Variants in SLC25A40 observed in about 807,000 individuals in gnomAD.
The protein encoded by SLC25A40 is mitochondrial glutathione transporter SLC25A40.
SLC25A40 carries 41 observed loss-of-function variants against 46.5 expected under a neutral mutation model. That is an observed-to-expected ratio of 0.88 (90% CI 0.69 to 1.14). The LOEUF is 1.14. Ranked by LOEUF, SLC25A40 falls within the 50% of genes most tolerant of loss-of-function variation. SLC25A40 has a pLI of 0.00. For missense variants in SLC25A40, 386 were observed against 393.6 expected, an observed-to-expected ratio of 0.98 and a Z score of 0.16; for synonymous variants, 126 against 127.5, an observed-to-expected ratio of 0.99 and a Z score of 0.08.
At chr7:87,841,813 AAAC>A (rs1838340533) in intron 9 of SLC25A40, 99 bp from the exon 10 acceptor site, 1 of 586,966 alleles carries the variant, frequency 1.7e-6, no homozygotes, top group Non-Finnish European at 2.7e-6. Flanking sequence ...AGGATAATGA[AAAC>A]AATAACCGAA....
intron 3 of SLC25A40, among the ~76,000 whole-genome samples, chr7:87,858,322 T>A (rs1194855853): frequency 1.3e-5 from 2 of 152,206 alleles, no homozygotes; most frequent in African/African-American, 2.4e-5. Context: ...ATTTTTGTTC[T>A]CCTTTTTACC....
intron 1 of SLC25A40, 94 bp downstream of exon 1, chr7:87,876,002 C>T (rs1301638890): frequency 2.6e-5 from 4 of 152,276 alleles, no homozygotes; most frequent in Non-Finnish European, 5.9e-5. Flanking sequence ...GGTTCCGGCC[C>T]CGGCCCCGGG....
intron 8 of SLC25A40, among the ~76,000 whole-genome samples, chr7:87,846,688 G>T (rs1048567477): frequency 6.6e-6 from 1 of 151,954 alleles, no homozygotes; most frequent in Non-Finnish European, 1.5e-5. Context: ...AAGGTAGTTT[G>T]CATTCTCTGA....
chr7:87,850,102 G>T (rs1390189976), intron 5 of SLC25A40, among the ~76,000 whole-genome samples, 154 bp from the exon 6 acceptor site: 1 of 151,902 alleles, frequency 6.6e-6, no homozygotes, highest in Non-Finnish European at 1.5e-5. Flanking sequence ...TTTTAAAAAG[G>T]GAATTTTAAC....
At chr7:87,844,581 T>A (rs894827137) in intron 8 of SLC25A40, among the ~76,000 whole-genome samples, 2 of 152,212 alleles carry the variant, frequency 1.3e-5, no homozygotes, top group African/African-American at 4.8e-5. Context: ...AGAAAAGTTA[T>A]GATTACAAAT....
chr7:87,840,341 AG>A (rs1169312668), intron 10 of SLC25A40, among the ~76,000 whole-genome samples: 1 of 151,702 alleles, frequency 6.6e-6, no homozygotes, highest in African/African-American at 2.4e-5. Flanking sequence ...GAGTTTACTG[AG>A]GGTGATGTCC....
chr7:87,856,292 C>G lies in SLC25A40; in HGVS notation c.157G>C (p.Gly53Arg). ...TTTTTAGGGCAATTAGTACACATAC[C>G]TTTGGGGAGTGGGTTGTTTTGGGCT... ...LQAQNNPLPK[G>R]KCFVYSNGLM... is the part of the protein sequence containing the mutation. The change falls in exon 4 of 12, where the codon GGA becomes CGA. Residue 53 changes from glycine to arginine, a missense_variant and splice_region_variant. By Grantham distance (125) the Gly-to-Arg change is moderately radical. Transcript: ENST00000341119. 3.1e-6 allele frequency: 5 copies of G among 1,610,448 alleles called. No individual in the cohort carries two copies. Among genetic ancestry groups the G allele is most frequent in the Non-Finnish European group, 4.2e-6 (5 of 1,177,558 alleles).
chr7:87,868,801 T>G (rs868261452), intron 1 of SLC25A40, among the ~76,000 whole-genome samples: 1 of 152,178 alleles, frequency 6.6e-6, no homozygotes, highest in Non-Finnish European at 1.5e-5. Context: ...GGCTTCATGA[T>G]GTAGGCCTAC....
intron 11 of SLC25A40, 132 bp downstream of exon 11, chr7:87,836,596 CTT>C: frequency 3.6e-6 from 2 of 553,932 alleles, no homozygotes; most frequent in Non-Finnish European, 3.0e-6. Context: ...TTTATTTTAA[CTT>C]ATAATAAAGA....
intron 1 of SLC25A40, among the ~76,000 whole-genome samples, chr7:87,873,107 T>A (rs942881501): frequency 6.6e-6 from 1 of 152,140 alleles, no homozygotes; most frequent in East Asian, 1.9e-4. Flanking sequence ...GACATATCAA[T>A]AGTTGGCAAA....
intron 6 of SLC25A40, 61 bp from the exon 7 acceptor site, chr7:87,848,038 T>C: frequency 6.5e-7 from 1 of 1,532,088 alleles, no homozygotes. Flanking sequence ...TAGTCTTAAC[T>C]TAAATTCAAA....
At position 87,836,775 on chromosome 7, in the gene SLC25A40, T is replaced by C. The variant is rs1325834169; in HGVS notation, c.859A>G (p.Met287Val). ...CCATTTTTAGCAACAATGTTCTTCA[T>C]TATAATCCAGGTTGACATATGCAAA... Reference protein sequence around the residue: ...MPLHMSTWIIMKNIVAKNGFS... With the variant: ...MPLHMSTWIIVKNIVAKNGFS... The change falls in exon 11 of 12, where the codon ATG becomes GTG. Residue 287 changes from methionine (M) to valine (V), a missense_variant. Transcript: ENST00000341119. The C allele has an allele frequency of 6.5e-7, 1 of 1,538,264 alleles. No homozygotes were observed. Among genetic ancestry groups the C allele is most frequent in the Non-Finnish European group, 8.7e-7 (1 of 1,148,600 alleles).
At chr7:87,870,854 C>T (rs1042213651) in intron 1 of SLC25A40, among the ~76,000 whole-genome samples, 3 of 152,140 alleles carry the variant, frequency 2.0e-5, no homozygotes, top group Non-Finnish European at 4.4e-5. Context: ...TGAAGTTGTT[C>T]GTGTGACCTC....
intron 5 of SLC25A40, among the ~76,000 whole-genome samples, chr7:87,853,640 G>C (rs953316709): frequency 1.2e-4 from 19 of 152,132 alleles, no homozygotes; most frequent in African/African-American, 4.6e-4. Flanking sequence ...CAACCTGGAT[G>C]AATCACCAGG....
At chr7:87,844,233 C>G (rs1838379099) in intron 8 of SLC25A40, among the ~76,000 whole-genome samples, 1 of 152,034 alleles carries the variant, frequency 6.6e-6, no homozygotes, top group African/African-American at 2.4e-5. Context: ...ACATCATGTA[C>G]TATGATTAAG....
At chr7:87,860,888 G>T (rs1838686926) in intron 1 of SLC25A40, among the ~76,000 whole-genome samples, 1 of 152,068 alleles carries the variant, frequency 6.6e-6, no homozygotes, top group Non-Finnish European at 1.5e-5. Flanking sequence ...ATAAGCAAAC[G>T]ACTCTAGAGC....
At chr7:87,870,440 T>C (rs1838879569) in intron 1 of SLC25A40, among the ~76,000 whole-genome samples, 1 of 152,130 alleles carries the variant, frequency 6.6e-6, no homozygotes, top group South Asian at 2.1e-4. Flanking sequence ...TATCTGATGA[T>C]GATAGGGACA....
intron 4 of SLC25A40, among the ~76,000 whole-genome samples, chr7:87,855,783 A>G (rs1838604755): frequency 6.6e-6 from 1 of 152,206 alleles, no homozygotes; most frequent in South Asian, 2.1e-4. Context: ...TTGCAATGCC[A>G]TTATCTTTAT....
intron 1 of SLC25A40, among the ~76,000 whole-genome samples, chr7:87,867,790 C>T (rs1005699935): frequency 1.3e-5 from 2 of 152,182 alleles, no homozygotes. Flanking sequence ...AGGTCACTGC[C>T]TCCTTTTTGG....
Sources: gnomAD v4.1 joint callset for allele counts (sites outside exome capture counted in the v4.1 genomes callset) on GRCh38, gnomAD v4.1.1 for gene constraint, MANE v1.5 for transcripts, NCBI Gene and HGNC (gene_info 2026-07-23, HGNC 2026-07-21) for gene names.